The following QTMAN variants were observed in gnomAD, a reference collection of about 807,000 sequenced individuals.
The protein encoded by QTMAN is tRNA-queuosine alpha-mannosyltransferase.
chr2:144,221,850 A>T, the QTMAN span, among the ~76,000 whole-genome samples: 9 of 152,222 alleles, frequency 5.9e-5, no homozygotes, highest in Non-Finnish European at 1.3e-4. Flanking sequence ...TTAGTTTGCA[A>T]ATACTGCTTG....
At chr2:144,241,582 A>T in the QTMAN span, among the ~76,000 whole-genome samples, 2 of 152,098 alleles carry the variant, frequency 1.3e-5, no homozygotes, top group Non-Finnish European at 2.9e-5. Context: ...TCAAGTTTTT[A>T]AAATTCCACA....
At chr2:144,301,654 C>T in the QTMAN span, among the ~76,000 whole-genome samples, 2 of 152,168 alleles carry the variant, frequency 1.3e-5, no homozygotes, top group African/African-American at 2.4e-5. Flanking sequence ...TTATTAAACA[C>T]GGGATCATGT....
At chr2:144,185,933 T>A in the QTMAN span, among the ~76,000 whole-genome samples, 5 of 152,154 alleles carry the variant, frequency 3.3e-5, no homozygotes, top group Non-Finnish European at 5.9e-5. Flanking sequence ...GATTATAAAG[T>A]CGTACACAAA....
chr2:144,262,978 A>ACAGAG, the QTMAN span, among the ~76,000 whole-genome samples: 1 of 39,572 alleles, frequency 2.5e-5, no homozygotes, highest in African/African-American at 1.0e-4. Flanking sequence ...GGAAGGGAGG[A>ACAGAG]GAGGGGAGGG....
At chr2:143,997,050 C>T in the QTMAN span, among the ~76,000 whole-genome samples, 1 of 151,914 alleles carries the variant, frequency 6.6e-6, no homozygotes, top group East Asian at 1.9e-4. Flanking sequence ...TACAAAGTTA[C>T]CACAAGTGAA....
At chr2:144,111,438 A>C in the QTMAN span, among the ~76,000 whole-genome samples, 2 of 152,192 alleles carry the variant, frequency 1.3e-5, no homozygotes, top group African/African-American at 4.8e-5. Flanking sequence ...AAACATAGGT[A>C]AGGTAGTGAT....
the QTMAN span, among the ~76,000 whole-genome samples, chr2:144,307,115 C>A: frequency 3.1e-5 from 4 of 127,768 alleles, no homozygotes; most frequent in East Asian, 1.0e-3. Flanking sequence ...GAGCCGAGAT[C>A]GTGCCACTGC....
the QTMAN span, among the ~76,000 whole-genome samples, chr2:144,242,128 G>A: frequency 1.2e-4 from 18 of 152,206 alleles, no homozygotes; most frequent in African/African-American, 4.3e-4. Context: ...AGAAAATAAA[G>A]CTAAAGTAGT....
chr2:144,024,374 A>G, the QTMAN span, among the ~76,000 whole-genome samples: 1 of 152,202 alleles, frequency 6.6e-6, no homozygotes. Flanking sequence ...CCTTGGTATG[A>G]TGAAGTGGAA....
the QTMAN span, among the ~76,000 whole-genome samples, chr2:144,302,121 T>C: frequency 6.6e-6 from 1 of 152,054 alleles, no homozygotes; most frequent in African/African-American, 2.4e-5. Flanking sequence ...CTACCTACAA[T>C]GGCACTCATC....
At chr2:144,321,534 G>C in the QTMAN span, among the ~76,000 whole-genome samples, 1 of 152,206 alleles carries the variant, frequency 6.6e-6, no homozygotes, top group Middle Eastern at 3.4e-3. Flanking sequence ...GTAGATTGAC[G>C]GTACTAGAAA....
At chr2:144,047,633 T>C in the QTMAN span, among the ~76,000 whole-genome samples, 1 of 152,202 alleles carries the variant, frequency 6.6e-6, no homozygotes, top group African/African-American at 2.4e-5. Flanking sequence ...AAAGTAACTA[T>C]TAACTATGAC....
the QTMAN span, among the ~76,000 whole-genome samples, chr2:144,110,686 C>CCG: frequency 7.0e-6 from 1 of 142,250 alleles, no homozygotes; most frequent in African/African-American, 2.8e-5. Flanking sequence ...TCGACCCCCC[C>CCG]CCAAAAAAAA....
At chr2:144,058,875 G>A in the QTMAN span, among the ~76,000 whole-genome samples, 1 of 152,030 alleles carries the variant, frequency 6.6e-6, no homozygotes, top group Non-Finnish European at 1.5e-5. Context: ...TCAATTCCTT[G>A]TCCTTGTCCC....
At chr2:144,198,595 T>C in the QTMAN span, among the ~76,000 whole-genome samples, 1 of 152,134 alleles carries the variant, frequency 6.6e-6, no homozygotes, top group Non-Finnish European at 1.5e-5. Context: ...AAATGACATC[T>C]CGGGATCCAG....
the QTMAN span, among the ~76,000 whole-genome samples, chr2:143,960,419 A>G: frequency 6.6e-6 from 1 of 152,110 alleles, no homozygotes; most frequent in Non-Finnish European, 1.5e-5. Context: ...AATCTAGGCT[A>G]CAGTCCAGGA....
At chr2:144,182,820 A>AT in the QTMAN span, among the ~76,000 whole-genome samples, 1 of 32,130 alleles carries the variant, frequency 3.1e-5, no homozygotes, top group Non-Finnish European at 7.2e-5. Context: ...TATATATATT[A>AT]TATATATAAT....
At chr2:143,950,265 A>T in the QTMAN span, among the ~76,000 whole-genome samples, 1 of 151,784 alleles carries the variant, frequency 6.6e-6, no homozygotes, top group Admixed American at 6.6e-5. Context: ...TTATCATTTA[A>T]ACTGTGTGAG....
the QTMAN span, among the ~76,000 whole-genome samples, chr2:144,105,127 C>T: frequency 6.6e-6 from 1 of 152,214 alleles, no homozygotes; most frequent in Non-Finnish European, 1.5e-5. Context: ...CATCAAAGAT[C>T]GAAGGTAGAT....
Sources: allele counts gnomAD v4.1 joint callset (sites outside exome capture counted in the v4.1 genomes callset), GRCh38; gene constraint gnomAD v4.1.1; transcripts MANE v1.5; gene names NCBI Gene and HGNC (gene_info 2026-07-23, HGNC 2026-07-21).